The following RNFT2 variants were observed in gnomAD, a reference collection of about 807,000 sequenced individuals.
RNFT2 encodes the protein ring finger protein, transmembrane 2.
A neutral mutation model predicts 53.0 loss-of-function variants in RNFT2; 36 were observed. The ratio of observed to expected loss-of-function variants is 0.68; its 90% CI spans 0.52 to 0.90. The LOEUF (loss-of-function observed/expected upper bound fraction) is 0.90, where lower values mean the gene tolerates loss of function less well. RNFT2 is among the 40% of genes least tolerant of loss of function. The probability of loss-of-function intolerance (pLI) is 0.00; values close to 1 mark genes in which losing one functional copy is unlikely to be tolerated. For missense variants in RNFT2, 514 were observed against 585.6 expected (o/e 0.88, Z 1.26); for synonymous variants, 260 against 253.2 (o/e 1.03, Z -0.26).
intron 7 of RNFT2, among the ~76,000 whole-genome samples, chr12:116,806,393 TATATATAGATAG>T (rs1158415306): frequency 1.4e-4 from 11 of 80,874 alleles, no homozygotes; most frequent in Admixed American, 5.6e-4. Flanking sequence ...TATATATATA[TATATATAGATAG>T]ATAGATAGAT....
intron 10 of RNFT2, among the ~76,000 whole-genome samples, chr12:116,848,043 G>C (rs7298317): frequency 0.039 from 5,863 of 151,828 alleles, 365 homozygotes; most frequent in African/African-American, 0.13. Flanking sequence ...TCCCCTCCCT[G>C]TATCCATGTG....
intron 7 of RNFT2, among the ~76,000 whole-genome samples, chr12:116,819,666 C>A (rs1875902448): frequency 6.6e-6 from 1 of 152,220 alleles, no homozygotes; most frequent in Non-Finnish European, 1.5e-5. Context: ...CCACCAGCCC[C>A]GCCCCGCTGG....
intron 7 of RNFT2, among the ~76,000 whole-genome samples, chr12:116,804,884 T>C (rs1874970342): frequency 6.6e-6 from 1 of 152,190 alleles, no homozygotes; most frequent in Non-Finnish European, 1.5e-5. Flanking sequence ...GGAGGATTGC[T>C]TGAGCCTGGG....
At chr12:116,746,590 G>T (rs566181956) in intron 3 of RNFT2, among the ~76,000 whole-genome samples, 1 of 152,142 alleles carries the variant, frequency 6.6e-6, no homozygotes. Context: ...TGGGGTACGG[G>T]TTAGGGGAGA....
At chr12:116,781,726 A>T (rs2137119741) in intron 7 of RNFT2, among the ~76,000 whole-genome samples, 1 of 152,112 alleles carries the variant, frequency 6.6e-6, no homozygotes, top group East Asian at 1.9e-4. Context: ...ATCCTTAATC[A>T]CATCAGCAAA....
intron 3 of RNFT2, among the ~76,000 whole-genome samples, chr12:116,748,969 G>C (rs142964268): frequency 6.6e-6 from 1 of 152,176 alleles, no homozygotes; most frequent in Non-Finnish European, 1.5e-5. Flanking sequence ...GGAGGATTTA[G>C]TAAGTTAATC....
intron 1 of RNFT2, among the ~76,000 whole-genome samples, chr12:116,740,053 A>G (rs1871529022): frequency 1.3e-5 from 2 of 152,066 alleles, no homozygotes; most frequent in Admixed American, 6.5e-5. Flanking sequence ...TAAAAATACA[A>G]AAATTGGGTG....
chr12:116,776,399 C>G (rs569034080), intron 6 of RNFT2, among the ~76,000 whole-genome samples: 7 of 152,246 alleles, frequency 4.6e-5, no homozygotes, highest in African/African-American at 1.7e-4. Flanking sequence ...GTGTGGAAAT[C>G]CACCAACCAG....
intron 6 of RNFT2, among the ~76,000 whole-genome samples, chr12:116,770,567 A>T (rs1873127912): frequency 2.0e-5 from 3 of 148,552 alleles, no homozygotes; most frequent in East Asian, 2.0e-4. Flanking sequence ...TTGTTTTTTC[A>T]TTTTTTTTTT....
intron 7 of RNFT2, among the ~76,000 whole-genome samples, chr12:116,795,936 TCTCA>T (rs1307611774): frequency 6.6e-6 from 1 of 151,454 alleles, no homozygotes; most frequent in Non-Finnish European, 1.5e-5. Flanking sequence ...TGAGACAGAG[TCTCA>T]CTCTGTCACC....
chr12:116,754,401 G>A (rs562956292), intron 5 of RNFT2, among the ~76,000 whole-genome samples: 1 of 152,250 alleles, frequency 6.6e-6, no homozygotes, highest in East Asian at 1.9e-4. Flanking sequence ...GGGCATTTGG[G>A]TTGGTTCCAC....
chr12:116,805,870 G>C (rs544282827), intron 7 of RNFT2, among the ~76,000 whole-genome samples: 2 of 152,278 alleles, frequency 1.3e-5, no homozygotes, highest in African/African-American at 4.8e-5. Context: ...GTTCACCCAG[G>C]ATATCAAGGA....
chr12:116,819,122 A>T (rs1326900850), intron 7 of RNFT2, among the ~76,000 whole-genome samples: 3 of 152,244 alleles, frequency 2.0e-5, no homozygotes, highest in African/African-American at 7.2e-5. Context: ...GAAATCCTGC[A>T]GGCAAGCCGC....
At chr12:116,786,033 T>C (rs1054555792) in intron 7 of RNFT2, among the ~76,000 whole-genome samples, 7 of 151,056 alleles carry the variant, frequency 4.6e-5, no homozygotes, top group African/African-American at 1.7e-4. Context: ...GCCTCGGCAA[T>C]AGAGCCAGCC....
intron 7 of RNFT2, among the ~76,000 whole-genome samples, chr12:116,808,932 T>A (rs1427223594): frequency 3.9e-5 from 6 of 152,052 alleles, no homozygotes; most frequent in Admixed American, 2.0e-4. Context: ...GCTCAGATGG[T>A]CACTGTCTGG....
intron 7 of RNFT2, among the ~76,000 whole-genome samples, chr12:116,826,204 C>G (rs552981162): frequency 6.6e-6 from 1 of 152,104 alleles, no homozygotes; most frequent in Non-Finnish European, 1.5e-5. Context: ...GGAGCCAGCC[C>G]TCTGTTGTTT....
At chr12:116,786,143 CAG>C (rs1327675523) in intron 7 of RNFT2, among the ~76,000 whole-genome samples, 1 of 144,606 alleles carries the variant, frequency 6.9e-6, no homozygotes, top group Non-Finnish European at 1.5e-5. Context: ...TTTTTTGAGA[CAG>C]AGTTTCACTT....
intron 7 of RNFT2, among the ~76,000 whole-genome samples, chr12:116,791,498 T>C (rs1430420206): frequency 6.6e-6 from 1 of 152,038 alleles, no homozygotes; most frequent in Non-Finnish European, 1.5e-5. Flanking sequence ...TTTAGAGAGA[T>C]GGGGTTTCGC....
intron 7 of RNFT2, among the ~76,000 whole-genome samples, chr12:116,780,094 G>T (rs1433876832): frequency 6.6e-6 from 1 of 152,156 alleles, no homozygotes; most frequent in Admixed American, 6.5e-5. Context: ...CATGTCCCAG[G>T]CATTGCTTGG....
Sources: allele counts gnomAD v4.1 joint callset (sites outside exome capture counted in the v4.1 genomes callset), GRCh38; gene constraint gnomAD v4.1.1; transcripts MANE v1.5; gene names NCBI Gene and HGNC (gene_info 2026-07-23, HGNC 2026-07-21).